LRRC59: variants seen among roughly 807,000 people sequenced by gnomAD.
LRRC59 encodes leucine-rich repeat-containing protein 59.
LRRC59 carries 18 observed loss-of-function variants against 33.5 expected under a neutral mutation model. The observed-to-expected ratio is 0.54, with a 90% CI of 0.37 to 0.80. The LOEUF is 0.80. LRRC59 is among the 30% of genes least tolerant of loss of function. LRRC59 has a pLI of 0.00. For missense variants in LRRC59, 330 were observed against 391.9 expected (o/e 0.84, Z 1.33); for synonymous variants, 138 against 160.0 (o/e 0.86, Z 1.04).
Position 50,381,914 on chromosome 17 carries a change from G to A in LRRC59, c.*1074C>T, listed in dbSNP as rs3744526. On this transcript the variant is annotated 3_prime_UTR_variant, in exon 7 of 7. Transcript: ENST00000225972. ...TTTCCATTTATGCCCTTCAGTTATG[G>A]TCTAGAATCAAACAATTCTAAACCT... is the stretch of plus-strand genomic sequence containing the variant. 0.18 allele frequency: 28,037 copies of A among 152,524 alleles called. 3,096 individuals are homozygous for A. The highest frequency in any genetic ancestry group is 0.24 in the Non-Finnish European group (16,203 of 67,956). 9.4% of individuals were successfully genotyped at this position (152,524 alleles called of 1,614,324 possible).
intron 2 of LRRC59, among the ~76,000 whole-genome samples, chr17:50,394,527 G>C (rs1914225259): frequency 6.6e-6 from 1 of 152,176 alleles, no homozygotes. Flanking sequence ...GCACAAGGAA[G>C]CTGTTCACAG....
intron 6 of LRRC59, among the ~76,000 whole-genome samples, 180 bp downstream of exon 6, chr17:50,384,938 G>T (rs1437248613): frequency 6.6e-6 from 1 of 152,068 alleles, no homozygotes; most frequent in Non-Finnish European, 1.5e-5. Flanking sequence ...AACAAGCTGG[G>T]CACTGCCTCC....
chr17:50,393,654 A>G (rs1037029102), intron 2 of LRRC59, among the ~76,000 whole-genome samples: 36 of 152,346 alleles, frequency 2.4e-4, no homozygotes, highest in African/African-American at 8.7e-4. Flanking sequence ...CCCATCTGAA[A>G]GCGATGGTAC....
intron 5 of LRRC59, 113 bp downstream of exon 5, chr17:50,387,947 G>A (rs770822327): frequency 2.4e-5 from 24 of 985,340 alleles, no homozygotes; most frequent in Non-Finnish European, 3.2e-5. Context: ...TCCCCCCACC[G>A]CCCACTAACT....
chr17:50,382,564 C>G lies in LRRC59; in HGVS notation c.*424G>C, dbSNP rs1012586206. On this transcript the variant is annotated 3_prime_UTR_variant, in exon 7 of 7. Coordinates refer to ENST00000225972, the MANE Select transcript of LRRC59 (RefSeq NM_018509.4). Reference sequence around the variant, plus strand: ...GATTTACTGAGCGTGGTGTTCTAGTCCCCCCCAGTTCCTCCTGATCTACCC... The same window carrying G: ...GATTTACTGAGCGTGGTGTTCTAGTGCCCCCCAGTTCCTCCTGATCTACCC... 8 of 180,434 alleles carry G rather than the reference C, an allele frequency of 4.4e-5. No homozygotes were observed. Among genetic ancestry groups the G allele is most frequent in the Non-Finnish European group, 9.5e-5 (8 of 84,410 alleles). 11.2% of individuals were successfully genotyped at this position (180,434 alleles called of 1,614,324 possible).
chr17:50,388,548 AACC>A (rs149980457), intron 4 of LRRC59, among the ~76,000 whole-genome samples: 3 of 151,912 alleles, frequency 2.0e-5, no homozygotes, highest in Non-Finnish European at 2.9e-5. Context: ...TCAAAACAAC[AACC>A]ACCACCACCA....
At chr17:50,390,468 G>A (rs1321079999) in intron 4 of LRRC59, among the ~76,000 whole-genome samples, 1 of 151,790 alleles carries the variant, frequency 6.6e-6, no homozygotes, top group Non-Finnish European at 1.5e-5. Flanking sequence ...CTCCAGCTTG[G>A]GTGACAGAGC....
intron 4 of LRRC59, among the ~76,000 whole-genome samples, chr17:50,388,497 C>T (rs1453751476): frequency 2.0e-5 from 3 of 152,156 alleles, no homozygotes; most frequent in African/African-American, 4.8e-5. Context: ...GCTGTGGTCA[C>T]GCCATGGCAC....
chr17:50,395,285 C>G (rs1416105343), intron 1 of LRRC59, among the ~76,000 whole-genome samples: 1 of 147,554 alleles, frequency 6.8e-6, no homozygotes, highest in Non-Finnish European at 1.5e-5. Context: ...AAAGCTGAGA[C>G]AGGAGGATCG....
chr17:50,389,806 C>A (rs531471977), intron 4 of LRRC59, among the ~76,000 whole-genome samples: 3 of 152,086 alleles, frequency 2.0e-5, no homozygotes, highest in Non-Finnish European at 2.9e-5. Context: ...CTTTCAAAAG[C>A]CTGGTTTGGG....
At chr17:50,390,491 CA>C (rs796517826) in intron 4 of LRRC59, among the ~76,000 whole-genome samples, 134 of 135,604 alleles carry the variant, frequency 9.9e-4, no homozygotes, top group Non-Finnish European at 8.4e-4. Flanking sequence ...GACCCCATGT[CA>C]AAAAAAAAAA....
At chr17:50,383,518 C>T (rs1913924750) in intron 6 of LRRC59, among the ~76,000 whole-genome samples, 1 of 152,134 alleles carries the variant, frequency 6.6e-6, no homozygotes, top group Non-Finnish European at 1.5e-5. Flanking sequence ...TGATCCACGC[C>T]TCTTGGGATC....
chr17:50,383,092 G>T lies in LRRC59; in HGVS notation c.820C>A (p.Gln274Lys), dbSNP rs777461127. 1 of 1,604,642 alleles carries T rather than the reference G, an allele frequency of 6.2e-7. No individual in the cohort carries two copies. Among genetic ancestry groups the T allele is most frequent in the South Asian group, 1.1e-5 (1 of 89,162 alleles). The change falls in exon 7 of 7, where the codon CAG becomes AAG. Residue 274 changes from glutamine (Q) to lysine (K), a missense_variant. Coordinates refer to ENST00000225972, the MANE Select transcript of LRRC59 (RefSeq NM_018509.4). ...GTGTTCACGCTGGTGCAGAGGGGCT[G>T]CTGCTGCAGCTCTGTCACCCGACAA... Reference protein sequence around the residue: ...VACRVTELQQQPLCTSVNTIY... With the variant: ...VACRVTELQQKPLCTSVNTIY...
At chr17:50,392,929 T>A in intron 2 of LRRC59, 32 bp from the exon 3 acceptor site, 1 of 1,600,522 alleles carries the variant, frequency 6.2e-7, no homozygotes. Flanking sequence ...TAAGCTAGGC[T>A]TGTCCAACAC....
chr17:50,388,862 A>C lies in LRRC59; in HGVS notation c.430-730T>G, dbSNP rs567123211. On this transcript the variant is annotated intron_variant, in intron 4 of 6. Transcript: ENST00000225972. ...ACTCCTGTGGAATTCAACACAGGAC[A>C]TTGTAGCTACTTGCTACCTATCTGG... 2.6e-5 allele frequency among the ~76,000 whole-genome samples: 4 copies of C among 152,242 alleles called. No individual in the cohort carries two copies. In the East Asian group the frequency reaches 7.7e-4, roughly 29 times the overall value.
intron 5 of LRRC59, 68 bp downstream of exon 5, chr17:50,387,992 T>G: frequency 1.3e-6 from 2 of 1,512,170 alleles, no homozygotes; most frequent in Non-Finnish European, 1.8e-6. Flanking sequence ...TCCCAGCTCC[T>G]GAAGCATGAG....
At chr17:50,395,601 G>A (rs370739985) in intron 1 of LRRC59, among the ~76,000 whole-genome samples, 2 of 152,044 alleles carry the variant, frequency 1.3e-5, no homozygotes, top group East Asian at 3.9e-4. Context: ...AGTAAGTAGC[G>A]GAGTGAATGA....
At chr17:50,384,986 C>T (rs758507928) in intron 6 of LRRC59, 132 bp downstream of exon 6, 17 of 1,068,098 alleles carry the variant, frequency 1.6e-5, no homozygotes, top group Non-Finnish European at 2.2e-5. Flanking sequence ...CAAACCTTCT[C>T]ATCCACTCCC....
intron 4 of LRRC59, among the ~76,000 whole-genome samples, chr17:50,391,875 T>C (rs1914152101): frequency 6.6e-6 from 1 of 152,180 alleles, no homozygotes; most frequent in Non-Finnish European, 1.5e-5. Context: ...AGTACTGCAG[T>C]AGAGAAGGCA....
Sources: allele counts gnomAD v4.1 joint callset (sites outside exome capture counted in the v4.1 genomes callset), GRCh38; gene constraint gnomAD v4.1.1; transcripts MANE v1.5; gene names NCBI Gene and HGNC (gene_info 2026-07-23, HGNC 2026-07-21).